Variants in MAP3K5 observed in about 807,000 individuals in gnomAD.
The protein encoded by MAP3K5 is ASK-1.
Under a neutral mutation model 158.7 loss-of-function variants are expected in MAP3K5, and 56 were observed. That is an observed-to-expected ratio of 0.35 (90% CI 0.28 to 0.44). The LOEUF is 0.44. Ranked by LOEUF, MAP3K5 falls within the 20% of genes least tolerant of loss-of-function variation. MAP3K5 has a pLI of 1.00. For missense variants in MAP3K5, 1,294 were observed against 1,674.8 expected, an observed-to-expected ratio of 0.77 and a Z score of 3.97; for synonymous variants, 579 against 601.7, an observed-to-expected ratio of 0.96 and a Z score of 0.55.
intron 14 of MAP3K5, chr6:136,636,800 T>C (rs1583315351): frequency 2.1e-6 from 2 of 973,396 alleles, no homozygotes; most frequent in African/African-American, 1.8e-5. Flanking sequence ...ATAAAAACCA[T>C]ATAAAAGTAG....
intron 2 of MAP3K5, among the ~76,000 whole-genome samples, chr6:136,711,546 C>T (rs1025632165): frequency 6.6e-6 from 1 of 151,778 alleles, no homozygotes; most frequent in Non-Finnish European, 1.5e-5. Context: ...TGTGCCTATA[C>T]ACCCAGCTAC....
chr6:136,651,458 A>C (rs1778516608), intron 10 of MAP3K5, among the ~76,000 whole-genome samples: 1 of 152,216 alleles, frequency 6.6e-6, no homozygotes, highest in African/African-American at 2.4e-5. Context: ...AAATGTGTCA[A>C]AGAAAGACAG....
chr6:136,723,833 C>T (rs1201730144), intron 1 of MAP3K5, among the ~76,000 whole-genome samples: 5 of 152,032 alleles, frequency 3.3e-5, no homozygotes, highest in Admixed American at 2.6e-4. Flanking sequence ...AGTTTTTTTT[C>T]CCCCCTCAAG....
rs530141918 is a variant in MAP3K5 at position 136,580,030 on chromosome 6, A to G, written c.3517+271T>C. 5.3e-5 allele frequency among the ~76,000 whole-genome samples: 8 copies of G among 152,318 alleles called. 1 individual carries two copies. Among genetic ancestry groups the G allele is most frequent in the African/African-American group, 1.7e-4 (7 of 41,576 alleles). On this transcript the variant is annotated intron_variant, in intron 25 of 29. Transcript: ENST00000359015. ...CAGATATCTATATTTTGAAATGCGT[A>G]TTTATCTGAGTCACCTGTATACTTT... is the stretch of plus-strand genomic sequence containing the variant.
intron 1 of MAP3K5, among the ~76,000 whole-genome samples, chr6:136,722,916 G>A (rs563702305): frequency 2.6e-5 from 4 of 151,944 alleles, no homozygotes; most frequent in East Asian, 1.9e-4. Context: ...TCAAACTCCT[G>A]ACCTCAAGCA....
At chr6:136,595,499 A>C (rs917412014) in intron 21 of MAP3K5, among the ~76,000 whole-genome samples, 6 of 152,224 alleles carry the variant, frequency 3.9e-5, no homozygotes, top group African/African-American at 1.4e-4. Flanking sequence ...GTTGTGGATC[A>C]TCTACTATAT....
intron 2 of MAP3K5, among the ~76,000 whole-genome samples, chr6:136,706,327 T>C (rs1342761845): frequency 2.6e-5 from 4 of 152,172 alleles, no homozygotes; most frequent in African/African-American, 7.2e-5. Flanking sequence ...GTTGTGAAGA[T>C]TGAGTGAGAT....
chr6:136,764,252 C>T (rs1485015746), intron 1 of MAP3K5, among the ~76,000 whole-genome samples: 1 of 152,184 alleles, frequency 6.6e-6, no homozygotes, highest in African/African-American at 2.4e-5. Flanking sequence ...TCCCTTGAGA[C>T]TGAGTTGGTG....
At chr6:136,627,992 A>T (rs1374496856) in intron 14 of MAP3K5, among the ~76,000 whole-genome samples, 1 of 152,242 alleles carries the variant, frequency 6.6e-6, no homozygotes, top group Non-Finnish European at 1.5e-5. Flanking sequence ...TAACTAATTA[A>T]TCAAGTTATA....
In MAP3K5 at chr6:136,614,246, G is replaced by A. The variant is rs1776465583; in HGVS notation, c.2191C>T (p.His731Tyr). 1.1e-5 allele frequency: 17 copies of A among 1,613,740 alleles called. No homozygotes were observed. In the East Asian group the frequency reaches 3.1e-4, roughly 30 times the overall value. The change falls in exon 16 of 30, where the codon CAC becomes TAC. Residue 731 changes from histidine (H) to tyrosine (Y), a missense_variant. Transcript: ENST00000359015. The stretch of plus-strand genomic sequence containing the variant: ...TGGACAATATTTTTGTGCTTCAGGT[G>A]TTTATGCAATGCTATTTCTTCATGC... ...PLHEEIALHKHLKHKNIVQYL... is the reference protein window; with the variant it reads ...PLHEEIALHKYLKHKNIVQYL...
At position 136,557,425 on chromosome 6, in the gene MAP3K5, G is replaced by T; in HGVS notation, c.*333C>A. On this transcript the variant is annotated 3_prime_UTR_variant, in exon 30 of 30. Coordinates refer to ENST00000359015, the MANE Select transcript of MAP3K5 (RefSeq NM_005923.4). ...TCACATGAAATGTTACATCCGTTTTGTGTGAAATAAACATTTGGCTGAAGT... is the reference window on the plus strand; with the variant it reads ...TCACATGAAATGTTACATCCGTTTTTTGTGAAATAAACATTTGGCTGAAGT... The T allele has an allele frequency of 4.4e-6, 1 of 226,844 alleles. No individual in the cohort carries two copies. Among genetic ancestry groups the T allele is most frequent in the Non-Finnish European group, 8.7e-6 (1 of 114,760 alleles). The allele number at this position is 226,844 out of a possible 1,614,324, so 14.1% of individuals were successfully genotyped here. A position where few individuals can be genotyped will look rare whatever the true frequency, so the allele number is the denominator to read the frequency against.
At chr6:136,732,008 G>T (rs1021218913) in intron 1 of MAP3K5, among the ~76,000 whole-genome samples, 10 of 152,142 alleles carry the variant, frequency 6.6e-5, no homozygotes, top group African/African-American at 2.2e-4. Flanking sequence ...AAAAGAGAAA[G>T]ATTTTAAAGG....
At chr6:136,651,180 G>C (rs1195213833) in intron 10 of MAP3K5, 89 bp from the exon 11 acceptor site, 2 of 618,932 alleles carry the variant, frequency 3.2e-6, no homozygotes, top group Non-Finnish European at 5.8e-6. Context: ...CCAACGTAGA[G>C]GATTATTGCA....
At chr6:136,744,342 T>C (rs1050274394) in intron 1 of MAP3K5, among the ~76,000 whole-genome samples, 2 of 151,788 alleles carry the variant, frequency 1.3e-5, no homozygotes, top group Non-Finnish European at 2.9e-5. Flanking sequence ...AATACACATA[T>C]ATATGTATAT....
intron 18 of MAP3K5, among the ~76,000 whole-genome samples, chr6:136,607,034 C>T (rs1394265210): frequency 6.6e-6 from 1 of 152,222 alleles, no homozygotes; most frequent in African/African-American, 2.4e-5. Context: ...AGCCTTTCAC[C>T]TGGCCAAAGA....
chr6:136,746,582 A>G (rs1782967973), intron 1 of MAP3K5, among the ~76,000 whole-genome samples: 3 of 152,220 alleles, frequency 2.0e-5, no homozygotes, highest in Non-Finnish European at 2.9e-5. Context: ...CCACACAGAG[A>G]AAACCATGCA....
At chr6:136,697,526 A>G (rs1294252590) in intron 4 of MAP3K5, 139 bp from the exon 5 acceptor site, 1 of 587,094 alleles carries the variant, frequency 1.7e-6, no homozygotes, top group East Asian at 3.0e-5. Flanking sequence ...TCAGATGCCT[A>G]AATAAATATC....
Position 136,695,838 on chromosome 6 carries a change from T to C in MAP3K5, c.1082+113A>G, listed in dbSNP as rs1233595359. The C allele has an allele frequency of 8.0e-5, 45 of 561,578 alleles. No individual in the cohort carries two copies. The East Asian group carries it at 1.1e-3, about 13-fold the overall frequency. The allele number at this position is 561,578 out of a possible 1,614,324, so 34.8% of individuals were successfully genotyped here. ...GGGGCTGAAGCAGATATGCTAATAT[T>C]ACATTTTAATAGGGACTTCTTGCAA... On this transcript the variant is annotated intron_variant, in intron 6 of 29. Coordinates refer to ENST00000359015, the MANE Select transcript of MAP3K5 (RefSeq NM_005923.4).
intron 1 of MAP3K5, among the ~76,000 whole-genome samples, chr6:136,751,279 T>C (rs1783197795): frequency 6.6e-6 from 1 of 152,188 alleles, no homozygotes; most frequent in Admixed American, 6.5e-5. Flanking sequence ...CTTTCTGATG[T>C]TTAAATCACA....
Sources: allele counts gnomAD v4.1 joint callset (sites outside exome capture counted in the v4.1 genomes callset), GRCh38; gene constraint gnomAD v4.1.1; transcripts MANE v1.5; gene names NCBI Gene and HGNC (gene_info 2026-07-23, HGNC 2026-07-21).